The following RAVER1 variants were observed in gnomAD, a reference collection of about 807,000 sequenced individuals.
RAVER1 encodes the protein ribonucleoprotein PTB-binding 1.
Under a neutral mutation model 68.4 loss-of-function variants are expected in RAVER1, and 36 were observed. That is an observed-to-expected ratio of 0.53 (90% CI 0.40 to 0.70). The LOEUF (loss-of-function observed/expected upper bound fraction) is 0.70. RAVER1 is among the 30% of genes least tolerant of loss of function. The pLI is 0.00. For missense variants in RAVER1, 933 were observed against 1,019.8 expected, an observed-to-expected ratio of 0.91 and a Z score of 1.16; for synonymous variants, 469 against 472.7, an observed-to-expected ratio of 0.99 and a Z score of 0.10.
At position 10,323,151 on chromosome 19, in the gene RAVER1, T is replaced by TC. The variant is rs773370779; in HGVS notation, c.1071dup (p.Lys358GlufsTer92). The TC allele has an allele frequency of 1.3e-5, 21 of 1,595,010 alleles. No homozygotes were observed. Among genetic ancestry groups the TC allele is most frequent in the Non-Finnish European group, 3.4e-6 (4 of 1,171,378 alleles). The stretch of plus-strand genomic sequence containing the variant: ...CTGTCCAGCCCCACCTTACCCTGCT[T>TC]CCCCCCCGCACTGCCATGGAGCAGG... On this transcript the variant is annotated frameshift_variant, in exon 5 of 13. Coordinates refer to ENST00000617231, the MANE Select transcript of RAVER1 (RefSeq NM_133452.3). LOFTEE classifies it high-confidence loss of function. The surrounding 1 kb of genome is among the most constrained non-coding windows in gnomAD (Gnocchi z 6.2).
Position 10,329,525 on chromosome 19 carries a change from C to G in RAVER1, c.287-414G>C, listed in dbSNP as rs953746803. Among the ~76,000 whole-genome samples, 2 of 152,134 alleles carry G rather than the reference C, an allele frequency of 1.3e-5. No homozygotes were observed. Among genetic ancestry groups the G allele is most frequent in the African/African-American group, 4.8e-5 (2 of 41,412 alleles). On this transcript the variant is annotated intron_variant, in intron 2 of 12. Transcript: ENST00000617231. This position sits in a 1 kb window ranked among gnomAD's most constrained non-coding sequence, Gnocchi z 4.6. ...GGATATAACTTAATCATCACAATCA[C>G]CATTTTGCCAGAGAGGAAACGGGCC... is the stretch of plus-strand genomic sequence containing the variant.
Position 10,324,037 on chromosome 19 carries a change from A to G in RAVER1, c.757-471T>C, listed in dbSNP as rs533811492. On this transcript the variant is annotated intron_variant, in intron 3 of 12. Transcript: ENST00000617231. ...GTGGCACATGCCTGTATTCCCAGCT[A>G]CTTGGGAGGCTGAGGCAGAGGCAAG... is the stretch of plus-strand genomic sequence containing the variant. Among the ~76,000 whole-genome samples the G allele has an allele frequency of 2.6e-5, 4 of 152,136 alleles. 1 individual carries two copies. In the South Asian group the frequency reaches 8.3e-4, roughly 32 times the overall value.
Position 10,322,816 on chromosome 19 carries a change from C to G in RAVER1, c.1079-77G>C. 1 of 863,602 alleles carries G rather than the reference C, an allele frequency of 1.2e-6. No individual in the cohort carries two copies. The highest frequency in any genetic ancestry group is 1.7e-6 in the Non-Finnish European group (1 of 592,178). 53.5% of individuals were successfully genotyped at this position (863,602 alleles called of 1,614,324 possible). A position where few individuals can be genotyped will look rare whatever the true frequency, so the allele number is the denominator to read the frequency against. ...CACCTCACGAAACACAGCCCTGAACCCATTGATGGGGCAGGAAACTGACAC... is the reference window on the plus strand; with the variant it reads ...CACCTCACGAAACACAGCCCTGAACGCATTGATGGGGCAGGAAACTGACAC... On this transcript the variant is annotated intron_variant, in intron 5 of 12. Transcript: ENST00000617231. The surrounding 1 kb of genome is among the most constrained non-coding windows in gnomAD (Gnocchi z 4.3).
intron 1 of RAVER1, among the ~76,000 whole-genome samples, chr19:10,332,077 C>T (rs1319855904): frequency 6.6e-6 from 1 of 152,186 alleles, no homozygotes; most frequent in Admixed American, 6.6e-5. Context: ...TCACTGCAGC[C>T]TCAACCTCCT....
chr19:10,319,341 C>T, intron 9 of RAVER1, 101 bp from the exon 10 acceptor site: 4 of 1,223,470 alleles, frequency 3.3e-6, no homozygotes, highest in Non-Finnish European at 4.7e-6. Flanking sequence ...ACAGTCCCCA[C>T]CACTCTGGGA....
chr19:10,317,349 A>G lies in RAVER1; in HGVS notation c.*105T>C, dbSNP rs1599296599. On this transcript the variant is annotated 3_prime_UTR_variant, in exon 13 of 13. Transcript: ENST00000617231. The surrounding 1 kb of genome is among the most constrained non-coding windows in gnomAD (Gnocchi z 4.3). ...AGTAAAGTCTTTCAGAGATTTTTCT[A>G]TTACCGAAAGAGAGAAAATGGTTTA... The G allele has an allele frequency of 4.7e-6, 6 of 1,275,442 alleles. No individual in the cohort carries two copies. Among genetic ancestry groups the G allele is most frequent in the South Asian group, 2.5e-5 (2 of 80,694 alleles). 79.0% of individuals were successfully genotyped at this position (1,275,442 alleles called of 1,614,324 possible).
intron 1 of RAVER1, among the ~76,000 whole-genome samples, chr19:10,331,680 G>A (rs1190842628): frequency 7.3e-5 from 4 of 54,442 alleles, no homozygotes; most frequent in Admixed American, 7.1e-4. Flanking sequence ...GTGAGACTCC[G>A]TCTCAAAAAA....
In RAVER1 at chr19:10,321,648, G is replaced by C. The variant is rs2040438986; in HGVS notation, c.1174-30C>G. 4 of 1,398,196 alleles carry C rather than the reference G, an allele frequency of 2.9e-6. No individual in the cohort carries two copies. The Admixed American group carries it at 8.9e-5, about 31-fold the overall frequency. 86.6% of individuals were successfully genotyped at this position (1,398,196 alleles called of 1,614,324 possible). On this transcript the variant is annotated intron_variant, in intron 6 of 12. Transcript: ENST00000617231. The stretch of plus-strand genomic sequence containing the variant: ...GGACAGAGCACAGACAGTTGCAGAT[G>C]GGGGCAGGGTGGCCCAGGGAAGCAG...
Position 10,328,760 on chromosome 19 carries a change from A to T in RAVER1, c.638T>A (p.Leu213Gln). 1 of 1,612,900 alleles carries T rather than the reference A, an allele frequency of 6.2e-7. No individual in the cohort carries two copies. The highest frequency in any genetic ancestry group is 8.5e-7 in the Non-Finnish European group (1 of 1,179,772). Reference sequence around the variant, plus strand: ...GCGGGAGTGGAGAAGGGCAGGCGTCAGTTGCCCGGCATCCGTCCAGTGCAC... The same window carrying T: ...GCGGGAGTGGAGAAGGGCAGGCGTCTGTTGCCCGGCATCCGTCCAGTGCAC... Reference protein sequence around the residue: ...LYVHWTDAGQLTPALLHSRCL... With the variant: ...LYVHWTDAGQQTPALLHSRCL... Residue 213 changes from leucine to glutamine, a missense_variant, in exon 3 of 13, where the codon CTG becomes CAG. This residue lies in a region of RAVER1 where 699 missense variants were observed against 731.1 expected (regional missense o/e 0.96). Coordinates refer to ENST00000617231, the MANE Select transcript of RAVER1 (RefSeq NM_133452.3). This position sits in a 1 kb window ranked among gnomAD's most constrained non-coding sequence, Gnocchi z 4.4.
chr19:10,319,237 T>A lies in RAVER1; in HGVS notation c.1774A>T (p.Met592Leu). The A allele has an allele frequency of 6.2e-7, 1 of 1,613,464 alleles. No homozygotes were observed. Among genetic ancestry groups the A allele is most frequent in the African/African-American group, 1.3e-5 (1 of 75,052 alleles). The part of the protein sequence containing the change: ...DSYSFDYPSD[M>L]GPRRLFSHPR... ...TGGGAGAAGAGCCGCCGAGGTCCCATGTCCTGAATGAAAGCGGGAGAAGCA... is the reference window on the plus strand; with the variant it reads ...TGGGAGAAGAGCCGCCGAGGTCCCAAGTCCTGAATGAAAGCGGGAGAAGCA... Residue 592 changes from methionine to leucine, a missense_variant, in exon 10 of 13, where the codon ATG (methionine) becomes TTG (leucine). By Grantham distance (15) the Met-to-Leu change is conservative. Coordinates refer to ENST00000617231, the MANE Select transcript of RAVER1 (RefSeq NM_133452.3).
At position 10,318,299 on chromosome 19, in the gene RAVER1, T is replaced by C. The variant is rs1168382642; in HGVS notation, c.1919A>G (p.Tyr640Cys). 10 of 1,598,956 alleles carry C rather than the reference T, an allele frequency of 6.3e-6. No homozygotes were observed. The African/African-American group carries it at 6.7e-5, about 11-fold the overall frequency. The stretch of plus-strand genomic sequence containing the variant: ...GAAGTAGGAAGTGGGCGAGCCTGAA[T>C]AGAAGTGAGACAGGGGGCCCCCGCC... The part of the protein sequence containing the change: ...GSGGGPLSHF[Y>C]SGSPTSYFTS... Residue 640 changes from tyrosine (Y) to cysteine (C), a missense_variant, in exon 11 of 13, where the codon TAT becomes TGT. Tyr to Cys is a radical substitution (Grantham distance 194, BLOSUM62 -2). This residue lies in a region of RAVER1 where 699 missense variants were observed against 731.1 expected (regional missense o/e 0.96). Transcript: ENST00000617231.
intron 10 of RAVER1, among the ~76,000 whole-genome samples, chr19:10,318,705 G>A (rs1427618934): frequency 1.3e-5 from 2 of 152,170 alleles, no homozygotes; most frequent in Non-Finnish European, 2.9e-5. Flanking sequence ...GGACTGAGGA[G>A]AGCTGGCACG....
rs2040536024 is a variant in RAVER1, at chr19:10,333,171, T to C, written c.219+118A>G. 4.9e-6 allele frequency: 5 copies of C among 1,015,236 alleles called. No homozygotes were observed. Among genetic ancestry groups the C allele is most frequent in the Middle Eastern group, 6.5e-4 (2 of 3,092 alleles). The allele number at this position is 1,015,236 out of a possible 1,614,324, so 62.9% of individuals were successfully genotyped here. Reference sequence around the variant, plus strand: ...CTCTCCCGATCCCGCGTGGATCCGGTGCTTGGGCGCCCCCGCCAACGACCC... The same window carrying C: ...CTCTCCCGATCCCGCGTGGATCCGGCGCTTGGGCGCCCCCGCCAACGACCC... On this transcript the variant is annotated intron_variant, in intron 1 of 12. Coordinates refer to ENST00000617231, the MANE Select transcript of RAVER1 (RefSeq NM_133452.3). The surrounding 1 kb of genome is among the most constrained non-coding windows in gnomAD (Gnocchi z 4.2).
Position 10,333,203 on chromosome 19 carries a change from A to C in RAVER1, c.219+86T>G. ...GCGCCCCCGCCAACGACCCCCGCGC[A>C]CCTCAGCGTTGGTGTCGCCCGGTTC... On this transcript the variant is annotated intron_variant, in intron 1 of 12. Transcript: ENST00000617231. The surrounding 1 kb of genome is among the most constrained non-coding windows in gnomAD (Gnocchi z 4.2). 1 of 1,308,602 alleles carries C rather than the reference A, an allele frequency of 7.6e-7. No homozygotes were observed. Among genetic ancestry groups the C allele is most frequent in the Admixed American group, 2.4e-5 (1 of 41,596 alleles). The allele number at this position is 1,308,602 out of a possible 1,614,324, so 81.1% of individuals were successfully genotyped here.
Position 10,330,502 on chromosome 19 carries a change from A to G in RAVER1, c.244T>C (p.Tyr82His). The change falls in exon 2 of 13, where the codon TAT (tyrosine) becomes CAT (histidine). Residue 82 changes from tyrosine (Y) to histidine (H), a missense_variant. By Grantham distance (83) the Tyr-to-His change is moderately conservative. This residue lies in a region of RAVER1 where 211 missense variants were observed against 230.0 expected (regional missense o/e 0.92). Transcript: ENST00000617231. ...TCCACAAAACAGTATTTGAGCTCATAGTCACTGAGCAGGTCATGTACTTCC... is the reference window on the plus strand; with the variant it reads ...TCCACAAAACAGTATTTGAGCTCATGGTCACTGAGCAGGTCATGTACTTCC... ...NQEVHDLLSD[Y>H]ELKYCFVDKY... 1 of 1,531,996 alleles carries G rather than the reference A, an allele frequency of 6.5e-7. No homozygotes were observed. The highest frequency in any genetic ancestry group is 8.9e-7 in the Non-Finnish European group (1 of 1,120,104). The allele number at this position is 1,531,996 out of a possible 1,614,324, so 94.9% of individuals were successfully genotyped here.
intron 1 of RAVER1, among the ~76,000 whole-genome samples, chr19:10,331,769 TC>T (rs1181399374): frequency 6.6e-6 from 1 of 152,104 alleles, no homozygotes; most frequent in African/African-American, 2.4e-5. Flanking sequence ...ATTCACTGTT[TC>T]CAACAACTCT....
At chr19:10,319,900 A>G (rs538198130) in intron 9 of RAVER1, among the ~76,000 whole-genome samples, 101 of 151,872 alleles carry the variant, frequency 6.7e-4, no homozygotes, top group Admixed American at 1.6e-3. Context: ...TCGGCCTCCC[A>G]AAGTGCTGGG....
At chr19:10,321,640 T>G (rs1285897878) in intron 6 of RAVER1, 22 bp from the exon 7 acceptor site, 1 of 1,406,136 alleles carries the variant, frequency 7.1e-7, no homozygotes, top group East Asian at 2.8e-5. Context: ...GCACAGACAG[T>G]TGCAGATGGG....
In RAVER1 at chr19:10,322,362, A is replaced by G; in HGVS notation, c.1173+283T>C. The stretch of plus-strand genomic sequence containing the variant: ...GCGCTCCCAGCCCACACCCAGTTTC[A>G]GGCTGTAAATGGGCGTGTCCAGGTC... On this transcript the variant is annotated intron_variant, in intron 6 of 12. Transcript: ENST00000617231. The surrounding 1 kb of genome is among the most constrained non-coding windows in gnomAD (Gnocchi z 4.3). 2.4e-6 allele frequency: 1 copy of G among 422,400 alleles called. No individual in the cohort carries two copies. Among genetic ancestry groups the G allele is most frequent in the Non-Finnish European group, 4.2e-6 (1 of 238,624 alleles). 26.2% of individuals were successfully genotyped at this position (422,400 alleles called of 1,614,324 possible). A position where few individuals can be genotyped will look rare whatever the true frequency, so the allele number is the denominator to read the frequency against.
Sources: allele counts gnomAD v4.1 joint callset (sites outside exome capture counted in the v4.1 genomes callset), GRCh38; gene constraint gnomAD v4.1.1; regional missense constraint gnomAD v4.1.1; non-coding constraint Gnocchi (gnomAD v3.1); transcripts MANE v1.5; gene names NCBI Gene and HGNC (gene_info 2026-07-23, HGNC 2026-07-21).